GALNT13: variants seen among roughly 807,000 people sequenced by gnomAD.
The protein encoded by GALNT13 is polypeptide N-acetylgalactosaminyltransferase 13.
In GALNT13, 28 loss-of-function variants were observed where a neutral mutation model predicts 64.2. The observed-to-expected ratio is 0.44, with a 90% confidence interval of 0.32 to 0.60. GALNT13 has a LOEUF of 0.60. Among genes scored for constraint, GALNT13 ranks in the 20% least tolerant of loss-of-function variants. GALNT13 has a pLI of 0.05. For synonymous variants in GALNT13, 214 were observed against 224.6 expected (o/e 0.95, Z 0.42); for missense variants, 577 against 669.8 (o/e 0.86, Z 1.53).
chr2:153,825,574 C>A, the GALNT13 span, among the ~76,000 whole-genome samples: 6 of 150,216 alleles, frequency 4.0e-5, no homozygotes, highest in Non-Finnish European at 7.4e-5. Context: ...GTATGACTTG[C>A]AATTGCTAGT....
chr2:153,324,139 T>G, the GALNT13 span, among the ~76,000 whole-genome samples: 1 of 152,210 alleles, frequency 6.6e-6, no homozygotes, highest in Non-Finnish European at 1.5e-5. Context: ...ATAATGTTTT[T>G]CCATTTGCTT....
the GALNT13 span, among the ~76,000 whole-genome samples, chr2:153,772,401 C>A: frequency 6.6e-6 from 1 of 152,156 alleles, no homozygotes; most frequent in Non-Finnish European, 1.5e-5. Context: ...TTGCATGGAA[C>A]CCTAGTGGGA....
chr2:154,422,391 G>T (rs892069490), intron 11 of GALNT13, among the ~76,000 whole-genome samples: 5 of 152,036 alleles, frequency 3.3e-5, no homozygotes, highest in African/African-American at 1.2e-4. Flanking sequence ...CTTTTATTCT[G>T]CTATCAAAGG....
intron 1 of GALNT13, among the ~76,000 whole-genome samples, chr2:153,874,074 TC>T (rs1171901852): frequency 1.3e-5 from 2 of 149,476 alleles, no homozygotes; most frequent in Admixed American, 1.3e-4. Context: ...AATCTTTCTT[TC>T]CCCCCGCACC....
the GALNT13 span, among the ~76,000 whole-genome samples, chr2:153,425,208 G>A: frequency 6.6e-6 from 1 of 151,620 alleles, no homozygotes; most frequent in Admixed American, 6.6e-5. Flanking sequence ...TGTCTTAGTT[G>A]TAGACTTTTT....
chr2:153,138,991 C>G, the GALNT13 span, among the ~76,000 whole-genome samples: 1 of 152,016 alleles, frequency 6.6e-6, no homozygotes, highest in Non-Finnish European at 1.5e-5. Context: ...CTGCCTGTCC[C>G]CTTTCACTGA....
At chr2:154,359,281 A>G (rs545146454) in intron 9 of GALNT13, among the ~76,000 whole-genome samples, 16 of 152,198 alleles carry the variant, frequency 1.1e-4, no homozygotes, top group African/African-American at 3.9e-4. Flanking sequence ...GGTAGCCACT[A>G]GGGAAAACTG....
chr2:153,409,333 TATATGTATATATTC>T, the GALNT13 span, among the ~76,000 whole-genome samples: 1 of 139,146 alleles, frequency 7.2e-6, no homozygotes, highest in South Asian at 2.2e-4. Context: ...TATTCATATG[TATATGTATATATTC>T]ATATGTATAT....
chr2:153,423,750 C>T, the GALNT13 span, among the ~76,000 whole-genome samples: 1 of 151,538 alleles, frequency 6.6e-6, no homozygotes, highest in Non-Finnish European at 1.5e-5. Context: ...AAGTCATAAA[C>T]CTTTATTGAA....
the GALNT13 span, among the ~76,000 whole-genome samples, chr2:153,664,802 G>A: frequency 7.8e-4 from 119 of 152,224 alleles, no homozygotes; most frequent in Middle Eastern, 3.4e-3. Flanking sequence ...CCGCAACAAT[G>A]AGTCATGTAA....
the GALNT13 span, among the ~76,000 whole-genome samples, chr2:153,402,698 C>A: frequency 2.0e-5 from 3 of 152,042 alleles, no homozygotes; most frequent in Non-Finnish European, 2.9e-5. Context: ...TTGCTGATAC[C>A]CTTTCTTCCT....
chr2:153,400,432 A>G, the GALNT13 span, among the ~76,000 whole-genome samples: 30 of 152,286 alleles, frequency 2.0e-4, no homozygotes, highest in Non-Finnish European at 3.2e-4. Context: ...GAATGATGCT[A>G]GCCTCATAAA....
the GALNT13 span, among the ~76,000 whole-genome samples, chr2:153,807,099 A>AAT: frequency 6.6e-6 from 1 of 151,926 alleles, no homozygotes; most frequent in Non-Finnish European, 1.5e-5. Context: ...TTCATGCCCA[A>AAT]TCCGTGTAGT....
At chr2:153,081,077 C>T in the GALNT13 span, among the ~76,000 whole-genome samples, 13 of 151,886 alleles carry the variant, frequency 8.6e-5, no homozygotes, top group African/African-American at 3.1e-4. Context: ...GTATTTTGCT[C>T]TTTTAGATGA....
the GALNT13 span, among the ~76,000 whole-genome samples, chr2:153,800,668 T>G: frequency 2.0e-5 from 3 of 152,182 alleles, no homozygotes; most frequent in African/African-American, 7.2e-5. Context: ...TCATCACCAG[T>G]AGAACCTAAC....
At chr2:153,393,563 A>G in the GALNT13 span, among the ~76,000 whole-genome samples, 1 of 152,062 alleles carries the variant, frequency 6.6e-6, no homozygotes, top group Non-Finnish European at 1.5e-5. Flanking sequence ...AAACAAATTT[A>G]TTACATCAAA....
intron 8 of GALNT13, among the ~76,000 whole-genome samples, chr2:154,281,346 A>G (rs556414724): frequency 6.6e-6 from 1 of 152,252 alleles, no homozygotes; most frequent in Non-Finnish European, 1.5e-5. Flanking sequence ...CCACAATACA[A>G]TCAGAACCAT....
the GALNT13 span, among the ~76,000 whole-genome samples, chr2:153,566,466 T>C: frequency 1.3e-5 from 2 of 148,874 alleles, no homozygotes; most frequent in South Asian, 4.4e-4. Context: ...GCCATTCTCC[T>C]GCCTCAGCCT....
the GALNT13 span, among the ~76,000 whole-genome samples, chr2:153,539,174 G>A: frequency 6.6e-6 from 1 of 151,392 alleles, no homozygotes. Flanking sequence ...GTGTTTTTTG[G>A]CTGCATAAAT....
Sources: gnomAD v4.1 joint callset for allele counts (sites outside exome capture counted in the v4.1 genomes callset) on GRCh38, gnomAD v4.1.1 for gene constraint, MANE v1.5 for transcripts, NCBI Gene and HGNC (gene_info 2026-07-23, HGNC 2026-07-21) for gene names.